RPS6KC1: variants seen among roughly 807,000 people sequenced by gnomAD.
RPS6KC1 encodes inactive ribosomal protein S6 kinase delta-1.
In RPS6KC1, 54 loss-of-function variants were observed where a neutral mutation model predicts 103.8. That is an observed-to-expected ratio of 0.52 (90% CI 0.42 to 0.65). The LOEUF is 0.65. RPS6KC1 is among the 30% of genes least tolerant of loss of function. The pLI is 0.00. For missense variants in RPS6KC1, 1,151 were observed against 1,253.8 expected (o/e 0.92, Z 1.24); for synonymous variants, 439 against 438.7 (o/e 1.00, Z -0.01).
At chr1:213,369,173 T>TG in the RPS6KC1 span, among the ~76,000 whole-genome samples, 1 of 152,186 alleles carries the variant, frequency 6.6e-6, no homozygotes, top group Non-Finnish European at 1.5e-5. Flanking sequence ...AAGAGTGGGC[T>TG]GGGGGAGGTA....
the RPS6KC1 span, among the ~76,000 whole-genome samples, chr1:213,346,104 T>C: frequency 2.0e-5 from 3 of 152,222 alleles, no homozygotes; most frequent in Non-Finnish European, 4.4e-5. Flanking sequence ...ACTACTACAC[T>C]ACTATTAATA....
chr1:213,087,696 G>A (rs2080539533), intron 3 of RPS6KC1, among the ~76,000 whole-genome samples: 1 of 152,150 alleles, frequency 6.6e-6, no homozygotes, highest in African/African-American at 2.4e-5. Context: ...CTCTTGATAA[G>A]CTTGCAGGCT....
intron 3 of RPS6KC1, among the ~76,000 whole-genome samples, chr1:213,097,746 C>T (rs2081598390): frequency 6.6e-6 from 1 of 152,234 alleles, no homozygotes; most frequent in Admixed American, 6.5e-5. Context: ...GCTAGATCTT[C>T]TGTATAACTT....
chr1:213,537,315 A>G, the RPS6KC1 span, among the ~76,000 whole-genome samples: 3 of 152,240 alleles, frequency 2.0e-5, no homozygotes, highest in Admixed American at 1.3e-4. Context: ...TTCTAAGGCT[A>G]TACTTAAGTT....
intron 7 of RPS6KC1, among the ~76,000 whole-genome samples, chr1:213,168,869 G>A (rs1186549166): frequency 1.3e-5 from 2 of 151,990 alleles, no homozygotes; most frequent in African/African-American, 4.8e-5. Context: ...TGATCTGCCC[G>A]CCTCAGCCTC....
the RPS6KC1 span, among the ~76,000 whole-genome samples, chr1:213,305,284 T>C: frequency 6.6e-6 from 1 of 152,182 alleles, no homozygotes; most frequent in Admixed American, 6.5e-5. Context: ...GGTTTCACCA[T>C]GTTGGCCAGG....
chr1:213,719,565 T>TA, the RPS6KC1 span, among the ~76,000 whole-genome samples: 53 of 152,186 alleles, frequency 3.5e-4, 1 homozygote, highest in Admixed American at 2.9e-3. Flanking sequence ...TCGTTTTTTT[T>TA]AAACATCTCT....
the RPS6KC1 span, among the ~76,000 whole-genome samples, chr1:213,807,237 T>G: frequency 6.6e-6 from 1 of 152,202 alleles, no homozygotes; most frequent in African/African-American, 2.4e-5. Flanking sequence ...TCAACTTTGG[T>G]GAATCTGACA....
the RPS6KC1 span, among the ~76,000 whole-genome samples, chr1:213,357,534 C>T: frequency 6.6e-6 from 1 of 152,200 alleles, no homozygotes; most frequent in Non-Finnish European, 1.5e-5. Context: ...GGTGAAACAT[C>T]AGACCTGGGG....
the RPS6KC1 span, among the ~76,000 whole-genome samples, chr1:213,655,913 A>C: frequency 6.6e-6 from 1 of 152,190 alleles, no homozygotes; most frequent in Admixed American, 6.5e-5. Flanking sequence ...GTCCTCCCTA[A>C]GCCTCTAAAT....
the RPS6KC1 span, among the ~76,000 whole-genome samples, chr1:213,505,893 C>G: frequency 1.1e-3 from 161 of 152,312 alleles, 1 homozygote; most frequent in African/African-American, 3.7e-3. Context: ...TCTGGCTTCA[C>G]TATCAAGTGC....
At chr1:213,706,733 G>A in the RPS6KC1 span, among the ~76,000 whole-genome samples, 1 of 151,836 alleles carries the variant, frequency 6.6e-6, no homozygotes, top group African/African-American at 2.4e-5. Flanking sequence ...AGTGTGTGTT[G>A]TTTCCTTCCC....
the RPS6KC1 span, among the ~76,000 whole-genome samples, chr1:213,862,269 A>G: frequency 6.6e-6 from 1 of 152,180 alleles, no homozygotes; most frequent in Non-Finnish European, 1.5e-5. Context: ...AGGAAATCAA[A>G]TTTCTAAAAC....
At chr1:213,637,991 A>AT in the RPS6KC1 span, among the ~76,000 whole-genome samples, 9 of 151,520 alleles carry the variant, frequency 5.9e-5, no homozygotes, top group South Asian at 1.0e-3. Flanking sequence ...TAATGTTAAA[A>AT]TTTTTTTTGT....
At chr1:213,532,393 G>A in the RPS6KC1 span, among the ~76,000 whole-genome samples, 1 of 152,050 alleles carries the variant, frequency 6.6e-6, no homozygotes, top group Admixed American at 6.5e-5. Flanking sequence ...GGCTGGGTTT[G>A]TTTTTCTGTG....
At chr1:213,551,430 A>G in the RPS6KC1 span, among the ~76,000 whole-genome samples, 1 of 152,140 alleles carries the variant, frequency 6.6e-6, no homozygotes, top group Admixed American at 6.5e-5. Context: ...ACTTTTGACT[A>G]CTGGTGAGTT....
chr1:213,468,159 T>C, the RPS6KC1 span, among the ~76,000 whole-genome samples: 1 of 152,276 alleles, frequency 6.6e-6, no homozygotes, highest in Non-Finnish European at 1.5e-5. Flanking sequence ...GTGTTTGATG[T>C]ATAAAGTTAA....
chr1:213,450,333 AT>A, the RPS6KC1 span, among the ~76,000 whole-genome samples: 3,349 of 137,828 alleles, frequency 0.024, 58 homozygotes, highest in African/African-American at 0.062. Context: ...GAGTTTGTAG[AT>A]TTTTTTTTTT....
chr1:213,341,046 T>C, the RPS6KC1 span, among the ~76,000 whole-genome samples: 1 of 152,258 alleles, frequency 6.6e-6, no homozygotes, highest in African/African-American at 2.4e-5. Context: ...ATGGGCATAA[T>C]TGTAATCCCT....
Sources: allele counts gnomAD v4.1 joint callset (sites outside exome capture counted in the v4.1 genomes callset), GRCh38; gene constraint gnomAD v4.1.1; transcripts MANE v1.5; gene names NCBI Gene and HGNC (gene_info 2026-07-23, HGNC 2026-07-21).